The following NPAS3 variants were observed in gnomAD, a reference collection of about 807,000 sequenced individuals.
The protein encoded by NPAS3 is neuronal PAS domain protein 3.
Under a neutral mutation model 73.1 loss-of-function variants are expected in NPAS3, and 14 were observed. That is an observed-to-expected ratio of 0.19 (90% confidence interval 0.13 to 0.30). The LOEUF (loss-of-function observed/expected upper bound fraction) is 0.30, where lower values mean the gene tolerates loss of function less well. Among genes scored for constraint, NPAS3 ranks in the 10% least tolerant of loss-of-function variants. The pLI is 1.00. For missense variants in NPAS3, 1,096 were observed against 1,250.0 expected (o/e 0.88, Z 1.86); for synonymous variants, 620 against 541.5 (o/e 1.14, Z -2.01).
chr14:33,008,326 C>T (rs564304410), intron 1 of NPAS3, among the ~76,000 whole-genome samples: 21 of 152,238 alleles, frequency 1.4e-4, no homozygotes, highest in Middle Eastern at 3.4e-3. Flanking sequence ...TATAGAGTAA[C>T]ATATACAATA....
chr14:33,122,128 G>C (rs1198867124), intron 2 of NPAS3, among the ~76,000 whole-genome samples: 1 of 152,154 alleles, frequency 6.6e-6, no homozygotes, highest in East Asian at 1.9e-4. Context: ...TGTTGGTGTA[G>C]ATGTTCACTT....
At chr14:33,176,041 T>TG (rs1489287286) in intron 2 of NPAS3, among the ~76,000 whole-genome samples, 1 of 152,196 alleles carries the variant, frequency 6.6e-6, no homozygotes, top group Non-Finnish European at 1.5e-5. Flanking sequence ...ATTACATACC[T>TG]GTTCTATTTT....
chr14:33,353,648 T>C (rs925884992), intron 3 of NPAS3, among the ~76,000 whole-genome samples: 1 of 152,204 alleles, frequency 6.6e-6, no homozygotes, highest in South Asian at 2.1e-4. Flanking sequence ...TAAATCTCTA[T>C]ATATGAAGTT....
rs146875855 is a variant in NPAS3 at position 33,049,429 on chromosome 14, C to T, written c.51-6476C>T. On this transcript the variant is annotated intron_variant, in intron 1 of 11. Coordinates refer to ENST00000356141, the Ensembl canonical transcript of NPAS3. ...GTTTAATGGAGAACTCACAGTTCCA[C>T]ATGGCTGGGGAAGCCTCACAATCAT... Among the ~76,000 whole-genome samples the T allele has an allele frequency of 4.8e-3, 733 of 152,312 alleles. 8 individuals carry two copies. Among genetic ancestry groups the T allele is most frequent in the African/African-American group, 0.016 (680 of 41,564 alleles).
intron 3 of NPAS3, among the ~76,000 whole-genome samples, chr14:33,337,617 TA>T (rs2044287376): frequency 1.3e-5 from 2 of 152,218 alleles, no homozygotes; most frequent in South Asian, 4.1e-4. Flanking sequence ...TTAGTTTCTA[TA>T]AAAATTCCTG....
At chr14:33,661,398 C>T (rs1438540402) in intron 5 of NPAS3, among the ~76,000 whole-genome samples, 2 of 152,138 alleles carry the variant, frequency 1.3e-5, no homozygotes, top group African/African-American at 2.4e-5. Context: ...TCTAACCCTG[C>T]CCCGTTCAGA....
intron 2 of NPAS3, among the ~76,000 whole-genome samples, chr14:33,094,174 T>G (rs2042326797): frequency 6.6e-6 from 1 of 151,992 alleles, no homozygotes; most frequent in Non-Finnish European, 1.5e-5. Flanking sequence ...GAAACACACT[T>G]TTGGGGGGAA....
chr14:33,667,558 T>A, intron 5 of NPAS3, among the ~76,000 whole-genome samples: 1 of 152,210 alleles, frequency 6.6e-6, no homozygotes. Context: ...TAAACAGTTG[T>A]GAATTTAACT....
chr14:33,445,086 T>C (rs2139319344), intron 4 of NPAS3, among the ~76,000 whole-genome samples: 1 of 152,368 alleles, frequency 6.6e-6, no homozygotes, highest in African/African-American at 2.4e-5. Flanking sequence ...TTTGTGTTTG[T>C]TCACAACAGA....
At chr14:33,460,063 A>T (rs2050191371) in intron 4 of NPAS3, among the ~76,000 whole-genome samples, 1 of 152,258 alleles carries the variant, frequency 6.6e-6, no homozygotes, top group South Asian at 2.1e-4. Flanking sequence ...TTGTAGTAGC[A>T]TCAAAGATGT....
intron 3 of NPAS3, among the ~76,000 whole-genome samples, chr14:33,279,017 T>A (rs1181078390): frequency 2.0e-5 from 3 of 152,168 alleles, no homozygotes; most frequent in African/African-American, 7.2e-5. Flanking sequence ...AAAAGCTTAT[T>A]CCTATGTAAA....
At chr14:33,700,394 T>C (rs76878866) in intron 6 of NPAS3, among the ~76,000 whole-genome samples, 30 of 152,334 alleles carry the variant, frequency 2.0e-4, no homozygotes, top group African/African-American at 7.2e-4. Context: ...AGCGAAAATA[T>C]GCAAAACATT....
At chr14:32,974,360 G>T (rs537397643) in intron 1 of NPAS3, among the ~76,000 whole-genome samples, 11 of 152,210 alleles carry the variant, frequency 7.2e-5, no homozygotes, top group South Asian at 6.2e-4. Context: ...ACATGAAGAT[G>T]GCCACAGCTA....
chr14:32,946,356 A>ACG (rs1290840437), intron 1 of NPAS3, among the ~76,000 whole-genome samples: 1 of 148,578 alleles, frequency 6.7e-6, no homozygotes, highest in African/African-American at 2.6e-5. Flanking sequence ...GCGCACACAC[A>ACG]CACACACACA....
intron 2 of NPAS3, among the ~76,000 whole-genome samples, chr14:33,130,886 T>G (rs1218752558): frequency 6.6e-6 from 1 of 152,320 alleles, no homozygotes; most frequent in East Asian, 1.9e-4. Flanking sequence ...GCATGATGAT[T>G]TGAAGCTTGT....
intron 4 of NPAS3, among the ~76,000 whole-genome samples, chr14:33,534,381 A>G (rs566183069): frequency 2.0e-5 from 3 of 152,258 alleles, no homozygotes; most frequent in East Asian, 1.9e-4. Flanking sequence ...AAATGATAAA[A>G]CTGTGTATTT....
At chr14:33,772,637 A>G (rs1342814753) in intron 7 of NPAS3, among the ~76,000 whole-genome samples, 2 of 152,234 alleles carry the variant, frequency 1.3e-5, no homozygotes, top group Admixed American at 6.5e-5. Flanking sequence ...ATGAGCATCT[A>G]TGTAAGCCTA....
intron 2 of NPAS3, among the ~76,000 whole-genome samples, chr14:33,110,412 T>G (rs900342566): frequency 2.0e-5 from 3 of 152,128 alleles, no homozygotes; most frequent in African/African-American, 7.2e-5. Context: ...GGTTAAACAG[T>G]TTTTACAATA....
chr14:33,390,211 T>G (rs939290193), intron 4 of NPAS3, among the ~76,000 whole-genome samples: 1 of 152,190 alleles, frequency 6.6e-6, no homozygotes, highest in African/African-American at 2.4e-5. Context: ...TTTGATATGA[T>G]TGTATTTTAT....
Sources: gnomAD v4.1 joint callset for allele counts (sites outside exome capture counted in the v4.1 genomes callset) on GRCh38, gnomAD v4.1.1 for gene constraint, MANE v1.5 for transcripts, NCBI Gene and HGNC (gene_info 2026-07-23, HGNC 2026-07-21) for gene names.